MGAT5: variants seen among roughly 807,000 people sequenced by gnomAD.
MGAT5 encodes the protein alpha-1,6-mannosylglycoprotein 6-beta-N-acetylglucosaminyltransferase, also known as alpha-1,6-mannosylglycoprotein 6-beta-N-acetylglucosaminyltransferase A.
A neutral mutation model predicts 94.3 loss-of-function variants in MGAT5; 30 were observed. The observed-to-expected ratio is 0.32, with a 90% CI of 0.24 to 0.43. The LOEUF is 0.43. MGAT5 is among the 20% of genes least tolerant of loss of function. The pLI, the probability that MGAT5 is intolerant of heterozygous loss-of-function variation, is 1.00. For missense variants in MGAT5, 691 were observed against 905.5 expected, an observed-to-expected ratio of 0.76 and a Z score of 3.04; for synonymous variants, 310 against 322.9, an observed-to-expected ratio of 0.96 and a Z score of 0.43.
chr2:134,363,361 C>A (rs1680220390), intron 10 of MGAT5, among the ~76,000 whole-genome samples: 1 of 152,136 alleles, frequency 6.6e-6, no homozygotes, highest in Non-Finnish European at 1.5e-5. Flanking sequence ...AAAAGCAGTG[C>A]CCTACCCCTC....
At chr2:134,225,098 A>C (rs898358842) in intron 1 of MGAT5, among the ~76,000 whole-genome samples, 2 of 151,488 alleles carry the variant, frequency 1.3e-5, no homozygotes, top group Non-Finnish European at 2.9e-5. Context: ...AAAAAAAAAA[A>C]AAAATGCGGT....
At position 134,448,841 on chromosome 2, in the gene MGAT5, C is replaced by T. The variant is rs144158856; in HGVS notation, c.2220C>T (p.Cys740=). ...IKGQVALCKD[C]L ...GCCAGGTGGCTCTCTGCAAAGACTG[C>T]CTATAGCAGCTACCTGCTCAGCCCT... is the stretch of plus-strand genomic sequence containing the variant. Residue 740 remains cysteine, a synonymous_variant, in exon 16 of 16, where the codon TGC becomes TGT. Coordinates refer to ENST00000281923, the MANE Select transcript of MGAT5 (RefSeq NM_002410.5). The T allele has an allele frequency of 1.2e-4, 193 of 1,612,880 alleles. 3 individuals are homozygous for T. In the African/African-American group the frequency reaches 2.1e-3, roughly 18 times the overall value.
At chr2:134,127,459 T>C (rs1157085253) in intron 1 of MGAT5, among the ~76,000 whole-genome samples, 1 of 151,688 alleles carries the variant, frequency 6.6e-6, no homozygotes, top group Non-Finnish European at 1.5e-5. Flanking sequence ...TCCTTTGCAA[T>C]TCTTATGTCC....
At chr2:134,375,572 A>T (rs1573954457) in intron 10 of MGAT5, among the ~76,000 whole-genome samples, 1 of 152,348 alleles carries the variant, frequency 6.6e-6, no homozygotes, top group East Asian at 1.9e-4. Context: ...GATTCTTGTC[A>T]TCCAGAACCA....
intron 11 of MGAT5, among the ~76,000 whole-genome samples, chr2:134,412,356 C>T (rs1231988834): frequency 2.0e-5 from 3 of 152,142 alleles, no homozygotes; most frequent in Admixed American, 2.0e-4. Context: ...ACTGACCTAC[C>T]ATCATTTTAA....
At chr2:134,174,197 A>G (rs1333665489) in intron 1 of MGAT5, among the ~76,000 whole-genome samples, 1 of 152,262 alleles carries the variant, frequency 6.6e-6, no homozygotes, top group Admixed American at 6.5e-5. Context: ...CTGGTCATTT[A>G]TGTCCTAGTT....
chr2:134,441,824 G>A lies in MGAT5; in HGVS notation c.1936G>A (p.Gly646Arg), dbSNP rs756426382. Residue 646 changes from glycine to arginine, a missense_variant, in exon 15 of 16, where the codon GGG becomes AGG. Around this residue, in one of 4 missense-constraint regions of MGAT5, gnomAD observed 260 missense variants for 347.0 expected, o/e 0.75. Transcript: ENST00000281923. ...SALQVKLAEPGQSCKQVCQES... is the reference protein window; with the variant it reads ...SALQVKLAEPRQSCKQVCQES... ...CCTACAGGTCAAGCTTGCTGAGCCCGGGCAGTCCTGCAAGCAGGTGTGCCA... is the reference window on the plus strand; with the variant it reads ...CCTACAGGTCAAGCTTGCTGAGCCCAGGCAGTCCTGCAAGCAGGTGTGCCA... 17 of 1,613,964 alleles carry A rather than the reference G, an allele frequency of 1.1e-5. No homozygotes were observed. Among genetic ancestry groups the A allele is most frequent in the South Asian group, 3.3e-5 (3 of 91,084 alleles).
chr2:134,130,555 G>T (rs189147693), intron 1 of MGAT5, among the ~76,000 whole-genome samples: 2 of 151,486 alleles, frequency 1.3e-5, no homozygotes, highest in East Asian at 1.9e-4. Context: ...GTCTGGCTCC[G>T]GGGTTTGTGG....
At chr2:134,390,482 T>A (rs746251969) in intron 10 of MGAT5, among the ~76,000 whole-genome samples, 3 of 152,268 alleles carry the variant, frequency 2.0e-5, no homozygotes, top group African/African-American at 7.2e-5. Flanking sequence ...TAGGTATATC[T>A]CCTAATGCTA....
intron 10 of MGAT5, among the ~76,000 whole-genome samples, chr2:134,366,495 C>T (rs78793672): frequency 1.3e-5 from 2 of 152,120 alleles, no homozygotes; most frequent in Non-Finnish European, 2.9e-5. Flanking sequence ...TCTTTGACCA[C>T]GTCAGGAGAA....
At chr2:134,184,709 TA>T (rs1442481455) in intron 1 of MGAT5, among the ~76,000 whole-genome samples, 1 of 151,968 alleles carries the variant, frequency 6.6e-6, no homozygotes, top group Non-Finnish European at 1.5e-5. Context: ...TAGATAATTA[TA>T]AAATATAATT....
chr2:134,333,098 G>T (rs985884182), intron 4 of MGAT5, among the ~76,000 whole-genome samples: 12 of 152,170 alleles, frequency 7.9e-5, no homozygotes, highest in African/African-American at 2.6e-4. Context: ...TATAACCAAA[G>T]GACTATAAAT....
chr2:134,225,569 G>C (rs1043298178), intron 1 of MGAT5, among the ~76,000 whole-genome samples: 2 of 152,102 alleles, frequency 1.3e-5, no homozygotes, highest in Non-Finnish European at 2.9e-5. Context: ...ATGTGATTTG[G>C]TTTTTTACCT....
intron 1 of MGAT5, among the ~76,000 whole-genome samples, chr2:134,233,645 G>C (rs1235379519): frequency 1.3e-5 from 2 of 152,190 alleles, no homozygotes; most frequent in Non-Finnish European, 2.9e-5. Context: ...CTTACTCACA[G>C]AGGCCTCTGG....
At chr2:134,431,390 T>A (rs1684866147) in intron 14 of MGAT5, among the ~76,000 whole-genome samples, 1 of 152,180 alleles carries the variant, frequency 6.6e-6, no homozygotes, top group Non-Finnish European at 1.5e-5. Flanking sequence ...TATTTTGAGT[T>A]TATCTCAGAG....
intron 1 of MGAT5, among the ~76,000 whole-genome samples, chr2:134,215,638 T>C (rs929004786): frequency 1.3e-5 from 2 of 152,316 alleles, no homozygotes; most frequent in South Asian, 2.1e-4. Context: ...TCCGGCTCCA[T>C]GACCCAAACA....
intron 1 of MGAT5, among the ~76,000 whole-genome samples, chr2:134,121,963 T>C (rs1685615564): frequency 6.6e-6 from 1 of 152,160 alleles, no homozygotes; most frequent in South Asian, 2.1e-4. Flanking sequence ...GGGCAAAGCA[T>C]CTGAGATTTG....
intron 10 of MGAT5, among the ~76,000 whole-genome samples, chr2:134,374,465 G>T (rs1310155874): frequency 6.6e-6 from 1 of 152,158 alleles, no homozygotes; most frequent in African/African-American, 2.4e-5. Flanking sequence ...TTACAATGTG[G>T]AATATTTGTT....
chr2:134,319,984 T>A, intron 4 of MGAT5: 1 of 198,798 alleles, frequency 5.0e-6, no homozygotes, highest in Non-Finnish European at 1.1e-5. Context: ...GTTTTATGAG[T>A]TCCCACCAGT....
Sources: allele counts gnomAD v4.1 joint callset (sites outside exome capture counted in the v4.1 genomes callset), GRCh38; gene constraint gnomAD v4.1.1; regional missense constraint gnomAD v4.1.1; transcripts MANE v1.5; gene names NCBI Gene and HGNC (gene_info 2026-07-23, HGNC 2026-07-21).